Variants in XYLB observed in about 807,000 individuals in gnomAD.
The protein encoded by XYLB is xylulose kinase.
A neutral mutation model predicts 78.7 loss-of-function variants in XYLB; 62 were observed. The observed-to-expected ratio is 0.79, with a 90% confidence interval of 0.64 to 0.97. XYLB has a LOEUF of 0.97. Among genes scored for constraint, XYLB ranks in the 50% least tolerant of loss-of-function variants. The pLI is 0.00. For synonymous variants in XYLB, 245 were observed against 247.4 expected (o/e 0.99, Z 0.09); for missense variants, 687 against 676.8 (o/e 1.02, Z -0.17).
At chr3:38,407,645 T>C (rs1429090577) in intron 18 of XYLB, among the ~76,000 whole-genome samples, 53 of 151,268 alleles carry the variant, frequency 3.5e-4, no homozygotes, top group African/African-American at 9.2e-4. Context: ...ACCCATCTCA[T>C]GTGCAGAGAC....
At chr3:38,447,315 A>C in the XYLB span, among the ~76,000 whole-genome samples, 1 of 151,974 alleles carries the variant, frequency 6.6e-6, no homozygotes, top group African/African-American at 2.4e-5. Flanking sequence ...TTTTTATTTT[A>C]TTTTTGGAGA....
the XYLB span, among the ~76,000 whole-genome samples, chr3:38,432,704 C>G: frequency 1.3e-5 from 2 of 152,248 alleles, no homozygotes; most frequent in Admixed American, 6.5e-5. Flanking sequence ...GCAATTAAAT[C>G]TTAAAGCTCT....
At chr3:38,417,897 A>AT (rs1339875819), downstream of XYLB, among the ~76,000 whole-genome samples, 2 of 150,230 alleles carry the variant, frequency 1.3e-5, no homozygotes, top group Admixed American at 1.3e-4. Context: ...AAAAAAAAAA[A>AT]GTATATATAT....
chr3:38,431,550 C>A, the XYLB span, among the ~76,000 whole-genome samples: 1 of 152,208 alleles, frequency 6.6e-6, no homozygotes, highest in Non-Finnish European at 1.5e-5. Flanking sequence ...ATTTCTTTCT[C>A]TTGCCTGATT....
At chr3:38,405,885 C>G (rs1708299484) in intron 18 of XYLB, among the ~76,000 whole-genome samples, 1 of 152,258 alleles carries the variant, frequency 6.6e-6, no homozygotes, top group Non-Finnish European at 1.5e-5. Flanking sequence ...AGCCAGGAGG[C>G]TCGAACTGGG....
chr3:38,402,988 G>A (rs183408531), intron 18 of XYLB, among the ~76,000 whole-genome samples: 2 of 151,880 alleles, frequency 1.3e-5, no homozygotes, highest in African/African-American at 2.4e-5. Context: ...TCATGTCAAC[G>A]TGATAAATTT....
intron 2 of XYLB, among the ~76,000 whole-genome samples, chr3:38,353,360 G>A (rs566203125): frequency 1.0e-3 from 155 of 152,218 alleles, no homozygotes; most frequent in African/African-American, 3.2e-3. Flanking sequence ...AAGCTGGAGT[G>A]CAGTGGTGTG....
intron 14 of XYLB, among the ~76,000 whole-genome samples, chr3:38,377,375 G>A (rs1369105792): frequency 6.6e-6 from 1 of 151,302 alleles, no homozygotes; most frequent in East Asian, 1.9e-4. Flanking sequence ...AGGTACTAAC[G>A]TTTATTGAGC....
intron 2 of XYLB, among the ~76,000 whole-genome samples, chr3:38,351,828 T>C (rs1372746632): frequency 2.0e-5 from 3 of 152,250 alleles, no homozygotes; most frequent in Non-Finnish European, 2.9e-5. Flanking sequence ...GATTCATCCA[T>C]GTTGCTACAT....
At position 38,349,759 on chromosome 3, in the gene XYLB, G is replaced by T. The variant is rs142801185; in HGVS notation, c.140+1127G>T. On this transcript the variant is annotated intron_variant, in intron 2 of 18. Coordinates refer to ENST00000207870, the MANE Select transcript of XYLB (RefSeq NM_005108.4). ...GTTAGGAGTCTAAAATCAAAGTGCT[G>T]GGAAGATTGGTCTCCTCTGGGACCT... is the stretch of plus-strand genomic sequence containing the variant. 5.3e-5 allele frequency among the ~76,000 whole-genome samples: 8 copies of T among 152,204 alleles called. No homozygotes were observed. In the East Asian group the frequency reaches 1.5e-3, roughly 29 times the overall value.
At chr3:38,437,622 A>G in the XYLB span, among the ~76,000 whole-genome samples, 1 of 152,260 alleles carries the variant, frequency 6.6e-6, no homozygotes, top group Non-Finnish European at 1.5e-5. Context: ...CTATACATGA[A>G]TAATGATCTA....
At chr3:38,446,252 G>C in the XYLB span, among the ~76,000 whole-genome samples, 1 of 152,142 alleles carries the variant, frequency 6.6e-6, no homozygotes, top group African/African-American at 2.4e-5. Flanking sequence ...CAAACGTCTA[G>C]CTAGCCACAG....
intron 5 of XYLB, 79 bp downstream of exon 5, chr3:38,365,364 T>C (rs764680351): frequency 1.3e-6 from 2 of 1,504,166 alleles, no homozygotes; most frequent in East Asian, 2.3e-5. Flanking sequence ...CCTGCTCATC[T>C]CAGTGTTGCA....
At chr3:38,392,362 G>A (rs572832454) in intron 15 of XYLB, among the ~76,000 whole-genome samples, 6 of 152,224 alleles carry the variant, frequency 3.9e-5, no homozygotes, top group Non-Finnish European at 5.9e-5. Context: ...GCAATGGCGC[G>A]ATCTCGGCTC....
At chr3:38,411,321 AT>A (rs1449828303) in intron 18 of XYLB, among the ~76,000 whole-genome samples, 5 of 151,622 alleles carry the variant, frequency 3.3e-5, no homozygotes, top group African/African-American at 1.2e-4. Context: ...ATAGGTGGGA[AT>A]TGAACAATGA....
chr3:38,381,192 A>C (rs535409290), intron 15 of XYLB, among the ~76,000 whole-genome samples: 1 of 152,184 alleles, frequency 6.6e-6, no homozygotes, highest in African/African-American at 2.4e-5. Flanking sequence ...TAGTTCCCCA[A>C]ATTAATACTT....
chr3:38,373,871 G>C (rs1175724042), intron 10 of XYLB, among the ~76,000 whole-genome samples: 3 of 152,114 alleles, frequency 2.0e-5, no homozygotes, highest in African/African-American at 7.2e-5. Flanking sequence ...TTGCTGTTGT[G>C]AGCCATGTGT....
At chr3:38,375,045 G>A (rs1706773663) in intron 11 of XYLB, 99 bp from the exon 12 acceptor site, 1 of 924,678 alleles carries the variant, frequency 1.1e-6, no homozygotes, top group East Asian at 2.6e-5. Context: ...CATGAGTGAA[G>A]TGACAGGGTT....
At chr3:38,391,237 C>A (rs993882799) in intron 15 of XYLB, among the ~76,000 whole-genome samples, 347 of 149,288 alleles carry the variant, frequency 2.3e-3, no homozygotes, top group African/African-American at 8.4e-3. Flanking sequence ...ACAACAACAA[C>A]AAAAAAAAAG....
Sources: gnomAD v4.1 joint callset for allele counts (sites outside exome capture counted in the v4.1 genomes callset) on GRCh38, gnomAD v4.1.1 for gene constraint, MANE v1.5 for transcripts, NCBI Gene and HGNC (gene_info 2026-07-23, HGNC 2026-07-21) for gene names.